GABRB2: variants seen among roughly 807,000 people sequenced by gnomAD.
The protein encoded by GABRB2 is gamma-aminobutyric acid type A receptor subunit beta2, also known as gamma-aminobutyric acid receptor subunit beta-2.
A neutral mutation model predicts 54.7 loss-of-function variants in GABRB2; 16 were observed. That is an observed-to-expected ratio of 0.29 (90% confidence interval 0.20 to 0.44). GABRB2 has a LOEUF of 0.44. Among genes scored for constraint, GABRB2 ranks in the 20% least tolerant of loss-of-function variants. The pLI, the probability that GABRB2 is intolerant of heterozygous loss-of-function variation, is 1.00. For synonymous variants in GABRB2, 244 were observed against 233.8 expected (o/e 1.04, Z -0.40); for missense variants, 355 against 644.0 (o/e 0.55, Z 4.86).
chr5:161,399,583 G>A (rs1343702474), intron 5 of GABRB2, among the ~76,000 whole-genome samples: 1 of 152,126 alleles, frequency 6.6e-6, no homozygotes, highest in Non-Finnish European at 1.5e-5. Flanking sequence ...ATACATGACT[G>A]GGCTGTAATT....
chr5:161,440,414 G>A (rs1023719014), intron 4 of GABRB2, among the ~76,000 whole-genome samples: 21 of 152,034 alleles, frequency 1.4e-4, no homozygotes, highest in African/African-American at 4.1e-4. Context: ...CCATGCCAGC[G>A]GAAACCAAAA....
intron 9 of GABRB2, among the ~76,000 whole-genome samples, chr5:161,319,927 G>C (rs921026958): frequency 6.6e-6 from 1 of 151,028 alleles, no homozygotes; most frequent in African/African-American, 2.4e-5. Context: ...CTAAGGACAT[G>C]ATGAATTATA....
chr5:161,463,317 CCACACA>C (rs137863733), intron 3 of GABRB2, among the ~76,000 whole-genome samples: 79 of 141,154 alleles, frequency 5.6e-4, no homozygotes, highest in Admixed American at 1.9e-3. Flanking sequence ...TACACACACA[CCACACA>C]CACACACACA....
intron 4 of GABRB2, among the ~76,000 whole-genome samples, chr5:161,450,185 CA>C (rs1244838402): frequency 6.6e-6 from 1 of 152,120 alleles, no homozygotes; most frequent in Non-Finnish European, 1.5e-5. Context: ...TTTCCTAAAG[CA>C]ATCCCCTTCA....
At chr5:161,476,063 G>A (rs1758582813) in intron 3 of GABRB2, among the ~76,000 whole-genome samples, 1 of 151,854 alleles carries the variant, frequency 6.6e-6, no homozygotes, top group Admixed American at 6.6e-5. Flanking sequence ...ACAAAAAACT[G>A]TTAGAATTAT....
chr5:161,330,107 T>A (rs762848813), intron 8 of GABRB2: 2 of 152,210 alleles, frequency 1.3e-5, no homozygotes, highest in African/African-American at 2.4e-5. Flanking sequence ...CTTCAGTATT[T>A]TTTTTTAATC....
chr5:161,420,374 A>G (rs1561643897), intron 4 of GABRB2, among the ~76,000 whole-genome samples: 2 of 152,224 alleles, frequency 1.3e-5, no homozygotes, highest in Admixed American at 6.5e-5. Flanking sequence ...TGAGCTACAC[A>G]TGTTGGGTGT....
chr5:161,497,198 C>T (rs912082612), intron 3 of GABRB2, among the ~76,000 whole-genome samples: 1 of 152,004 alleles, frequency 6.6e-6, no homozygotes, highest in African/African-American at 2.4e-5. Context: ...ACAGGTGATC[C>T]CAACATGATT....
upstream of GABRB2, chr5:161,546,726 G>A (rs1760998091): frequency 6.5e-7 from 1 of 1,541,678 alleles, no homozygotes; most frequent in Admixed American, 2.0e-5. Context: ...ATTCTAATGT[G>A]AGGCGCATGC....
At chr5:161,389,571 A>AGT (rs10666283) in intron 5 of GABRB2, among the ~76,000 whole-genome samples, 34,357 of 145,748 alleles carry the variant, frequency 0.24, 4,593 homozygotes, top group African/African-American at 0.38. Flanking sequence ...ATGTTTGTGG[A>AGT]GTGTGTGTGT....
Position 161,451,243 on chromosome 5 carries a change from T to C in GABRB2, c.458+8381A>G, listed in dbSNP as rs558713061. Reference sequence around the variant, plus strand: ...GGTGGTTGAATTACCTTCTGCTTCCTGCTGAATCTTTCTTTAAGAATGTGA... The same window carrying C: ...GGTGGTTGAATTACCTTCTGCTTCCCGCTGAATCTTTCTTTAAGAATGTGA... On this transcript the variant is annotated intron_variant, in intron 4 of 9. Coordinates refer to ENST00000393959, the MANE Select transcript of GABRB2 (RefSeq NM_001371727.1). Among the ~76,000 whole-genome samples, 3 of 152,330 alleles carry C rather than the reference T, an allele frequency of 2.0e-5. No homozygotes were observed. The South Asian group carries it at 6.2e-4, about 32-fold the overall frequency.
chr5:161,427,520 G>A (rs1041603044), intron 4 of GABRB2, among the ~76,000 whole-genome samples: 7 of 152,148 alleles, frequency 4.6e-5, no homozygotes, highest in African/African-American at 2.4e-5. Flanking sequence ...GGTTCTGTAC[G>A]TTCAAGTTCA....
intron 3 of GABRB2, among the ~76,000 whole-genome samples, chr5:161,471,891 T>C (rs1758451009): frequency 6.6e-6 from 1 of 152,022 alleles, no homozygotes; most frequent in Non-Finnish European, 1.5e-5. Context: ...CTGTACCCAA[T>C]GTTAATACTT....
intron 3 of GABRB2, among the ~76,000 whole-genome samples, chr5:161,474,553 A>G (rs1258276357): frequency 1.3e-5 from 2 of 151,978 alleles, no homozygotes; most frequent in African/African-American, 2.4e-5. Flanking sequence ...TACAAGAGGT[A>G]GCATGGCAAT....
intron 3 of GABRB2, among the ~76,000 whole-genome samples, chr5:161,499,411 G>T (rs1219213319): frequency 6.6e-6 from 1 of 152,036 alleles, no homozygotes; most frequent in Non-Finnish European, 1.5e-5. Context: ...CTAACATAAA[G>T]ACTAGCTAAC....
chr5:161,412,166 G>A (rs958235547), intron 4 of GABRB2, among the ~76,000 whole-genome samples: 27 of 152,204 alleles, frequency 1.8e-4, no homozygotes, highest in African/African-American at 4.1e-4. Context: ...AATCTAAACC[G>A]TAACCCAGGT....
intron 3 of GABRB2, among the ~76,000 whole-genome samples, chr5:161,513,256 C>T (rs1759835129): frequency 6.6e-6 from 1 of 151,852 alleles, no homozygotes; most frequent in Non-Finnish European, 1.5e-5. Flanking sequence ...AACTACCATT[C>T]GACCCAGCAA....
chr5:161,301,062 A>C (rs527570782), intron 9 of GABRB2, among the ~76,000 whole-genome samples: 1 of 152,340 alleles, frequency 6.6e-6, no homozygotes, highest in South Asian at 2.1e-4. Flanking sequence ...AAAAATGAGG[A>C]AATTGAGAAT....
intron 3 of GABRB2, among the ~76,000 whole-genome samples, chr5:161,507,247 GAA>G (rs1230606848): frequency 6.6e-6 from 1 of 151,338 alleles, no homozygotes; most frequent in Non-Finnish European, 1.5e-5. Context: ...TCCTGGAACA[GAA>G]AAAAAATGTT....
Sources: gnomAD v4.1 joint callset for allele counts (sites outside exome capture counted in the v4.1 genomes callset) on GRCh38, gnomAD v4.1.1 for gene constraint, MANE v1.5 for transcripts, NCBI Gene and HGNC (gene_info 2026-07-23, HGNC 2026-07-21) for gene names.